RILPL1: variants seen among roughly 807,000 people sequenced by gnomAD.
RILPL1 encodes RILP-like protein 1.
A neutral mutation model predicts 50.3 loss-of-function variants in RILPL1; 33 were observed. The ratio of observed to expected loss-of-function variants is 0.66; its 90% CI spans 0.50 to 0.88. RILPL1 has a LOEUF of 0.88. Ranked by LOEUF, RILPL1 falls within the 40% of genes least tolerant of loss-of-function variation. The pLI, the probability that RILPL1 is intolerant of heterozygous loss-of-function variation, is 0.00. For missense variants in RILPL1, 418 were observed against 542.5 expected (o/e 0.77, Z 2.28); for synonymous variants, 205 against 228.6 (o/e 0.90, Z 0.93).
chr12:123,501,161 C>A (rs574236617), intron 2 of RILPL1, among the ~76,000 whole-genome samples: 1 of 150,554 alleles, frequency 6.6e-6, no homozygotes, highest in Admixed American at 6.6e-5. Flanking sequence ...AAGATGGCCA[C>A]GCATCTTGGC....
At chr12:123,477,315 G>T (rs963595370) in intron 6 of RILPL1, among the ~76,000 whole-genome samples, 25 of 150,028 alleles carry the variant, frequency 1.7e-4, no homozygotes, top group Non-Finnish European at 3.3e-4. Flanking sequence ...GTTAGGAGTT[G>T]GTATCTTTTC....
chr12:123,519,443 A>AGGTGCCT (rs1262073246), intron 2 of RILPL1: 2 of 152,228 alleles, frequency 1.3e-5, no homozygotes, highest in African/African-American at 4.8e-5. Flanking sequence ...GGAGCCTGCC[A>AGGTGCCT]GGTGCCTCTG....
At chr12:123,478,645 G>A (rs1453377598) in intron 6 of RILPL1, among the ~76,000 whole-genome samples, 2 of 152,098 alleles carry the variant, frequency 1.3e-5, no homozygotes, top group African/African-American at 2.4e-5. Flanking sequence ...CACCTGGGTG[G>A]CCACCCACTC....
chr12:123,509,301 C>A (rs995745388), intron 2 of RILPL1, among the ~76,000 whole-genome samples: 2 of 152,176 alleles, frequency 1.3e-5, no homozygotes, highest in African/African-American at 4.8e-5. Context: ...TGGTGGCTCA[C>A]GCCTACAACG....
At chr12:123,480,327 A>T (rs1034001960) in intron 6 of RILPL1, among the ~76,000 whole-genome samples, 3 of 151,450 alleles carry the variant, frequency 2.0e-5, no homozygotes, top group African/African-American at 4.9e-5. Flanking sequence ...CACCTGGCTA[A>T]TTTTTTTGTA....
At chr12:123,507,518 C>T (rs1405420842) in intron 2 of RILPL1, among the ~76,000 whole-genome samples, 5 of 135,644 alleles carry the variant, frequency 3.7e-5, no homozygotes, top group Admixed American at 3.2e-4. Context: ...TGAGCTATGT[C>T]GTGCCACTGG....
intron 2 of RILPL1, among the ~76,000 whole-genome samples, chr12:123,513,195 GTGTC>G (rs923684170): frequency 6.6e-6 from 1 of 151,712 alleles, no homozygotes; most frequent in African/African-American, 2.4e-5. Flanking sequence ...GTGTATGTGT[GTGTC>G]TGTGTGGGTG....
intron 2 of RILPL1, among the ~76,000 whole-genome samples, chr12:123,507,152 TCA>T (rs1478873946): frequency 6.6e-6 from 1 of 152,164 alleles, no homozygotes; most frequent in Non-Finnish European, 1.5e-5. Flanking sequence ...CTGCTAAAGC[TCA>T]CACACGCACT....
intron 1 of RILPL1, among the ~76,000 whole-genome samples, chr12:123,526,508 A>G (rs1442668574): frequency 6.6e-6 from 1 of 152,068 alleles, no homozygotes; most frequent in Non-Finnish European, 1.5e-5. Context: ...TGAGGATTAA[A>G]TGGTTACTAT....
At chr12:123,519,805 G>A (rs946883579) in intron 2 of RILPL1, 21 of 152,278 alleles carry the variant, frequency 1.4e-4, no homozygotes, top group African/African-American at 4.8e-4. Flanking sequence ...TGCTCCTCCT[G>A]AGCTAACCCT....
chr12:123,481,012 C>T (rs1881951759), intron 6 of RILPL1, among the ~76,000 whole-genome samples: 1 of 152,138 alleles, frequency 6.6e-6, no homozygotes, highest in South Asian at 2.1e-4. Flanking sequence ...ATTTCTGTGA[C>T]TGATGGAAAT....
At chr12:123,511,308 C>CTG (rs1433059180) in intron 2 of RILPL1, among the ~76,000 whole-genome samples, 1 of 80,782 alleles carries the variant, frequency 1.2e-5, no homozygotes. Flanking sequence ...GCGGTGGCAT[C>CTG]TGTGTGTGTG....
intron 6 of RILPL1, 57 bp from the exon 7 acceptor site, chr12:123,472,739 C>T (rs1881279554): frequency 7.1e-6 from 11 of 1,558,198 alleles, no homozygotes; most frequent in South Asian, 2.4e-5. Context: ...GTGCAAGTCA[C>T]GTTTTTTGCA....
chr12:123,483,039 A>G (rs1369175949), intron 6 of RILPL1, among the ~76,000 whole-genome samples: 2 of 150,926 alleles, frequency 1.3e-5, no homozygotes, highest in Non-Finnish European at 2.9e-5. Context: ...GTATATGGGT[A>G]ACACTCCACT....
At chr12:123,480,978 A>G (rs964359308) in intron 6 of RILPL1, among the ~76,000 whole-genome samples, 2 of 152,100 alleles carry the variant, frequency 1.3e-5, no homozygotes, top group Non-Finnish European at 2.9e-5. Context: ...TAGTCATGTG[A>G]CCCAGCTGGA....
Position 123,484,411 on chromosome 12 carries a change from G to T in RILPL1, c.975-139C>A, listed in dbSNP as rs539273657. The T allele has an allele frequency of 4.8e-4, 331 of 696,516 alleles. 1 individual carries two copies. The South Asian group carries it at 5.0e-3, about 11-fold the overall frequency. 43.1% of individuals were successfully genotyped at this position (696,516 alleles called of 1,614,324 possible). A position where few individuals can be genotyped will look rare whatever the true frequency, so the allele number is the denominator to read the frequency against. On this transcript the variant is annotated intron_variant, in intron 5 of 6. Transcript: ENST00000376874. ...CGCATCTGTATTTCCAGTTTATTCTGAAGAGTCCAGCCAAATAGAACCACT... is the reference window on the plus strand; with the variant it reads ...CGCATCTGTATTTCCAGTTTATTCTTAAGAGTCCAGCCAAATAGAACCACT...
Position 123,533,638 on chromosome 12 carries a change from GCGGGC to G in RILPL1, c.-161_-157del. 2.9e-6 allele frequency: 1 copy of G among 339,292 alleles called. No individual in the cohort carries two copies. Among genetic ancestry groups the G allele is most frequent in the South Asian group, 1.1e-4 (1 of 9,172 alleles). 21.0% of individuals were successfully genotyped at this position (339,292 alleles called of 1,614,324 possible). ...GCGCAGCGGGCAGCGGGCGGCGGGC[GCGGGC>G]GCGGGCACGGGCGGCGGCGCGGGGT... On this transcript the variant is annotated 5_prime_UTR_variant, in exon 1 of 7. Transcript: ENST00000376874. This position sits in a 1 kb window ranked among gnomAD's most constrained non-coding sequence, Gnocchi z 6.2.
intron 1 of RILPL1, among the ~76,000 whole-genome samples, chr12:123,527,897 G>A (rs966547104): frequency 6.6e-6 from 1 of 152,108 alleles, no homozygotes; most frequent in Non-Finnish European, 1.5e-5. Context: ...CTCCTCCACA[G>A]CCCCCCAAAG....
intron 2 of RILPL1, among the ~76,000 whole-genome samples, chr12:123,521,817 G>A (rs1413603522): frequency 6.7e-6 from 1 of 149,728 alleles, no homozygotes; most frequent in Non-Finnish European, 1.5e-5. Context: ...CTGTCGCCCA[G>A]GCTGGAGTGC....
Sources: allele counts gnomAD v4.1 joint callset (sites outside exome capture counted in the v4.1 genomes callset), GRCh38; gene constraint gnomAD v4.1.1; non-coding constraint Gnocchi (gnomAD v3.1); transcripts MANE v1.5; gene names NCBI Gene and HGNC (gene_info 2026-07-23, HGNC 2026-07-21).